Variants in PRR33 observed in about 807,000 individuals in gnomAD.
PRR33 encodes the protein proline rich 33.
PRR33 carries 1 observed loss-of-function variant against 0.5 expected under a neutral mutation model. That is an observed-to-expected ratio of 2.18 (90% CI 0.77 to 10.34). The LOEUF (loss-of-function observed/expected upper bound fraction) is 10.34. Among genes scored for constraint, PRR33 ranks in the 30% most tolerant of loss-of-function variants. PRR33 has a pLI of 0.13. For synonymous variants in PRR33, 226 were observed against 110.0 expected (o/e 2.06, Z -6.60); for missense variants, 552 against 251.8 (o/e 2.19, Z -8.07).
chr11:1,890,193 G>A (rs1311388576), exon 1 of PRR33: 4 of 716,890 alleles, frequency 5.6e-6, no homozygotes, highest in African/African-American at 1.7e-5. Context: ...GATGGAGAAC[G>A]TGGACTTCTG....
chr11:1,897,499 G>A, the PRR33 span, among the ~76,000 whole-genome samples: 1,157 of 152,278 alleles, frequency 7.6e-3, 16 homozygotes, highest in African/African-American at 0.026. This position sits in a 1 kb window ranked among gnomAD's most constrained non-coding sequence, Gnocchi z 4.0. Context: ...GTAAAGCTTC[G>A]GTTTGATGGT....
chr11:1,915,552 G>T, the PRR33 span, among the ~76,000 whole-genome samples: 1 of 117,236 alleles, frequency 8.5e-6, no homozygotes, highest in African/African-American at 3.4e-5. Context: ...TGTGTTGTGG[G>T]GGGTGATGTT....
the PRR33 span, among the ~76,000 whole-genome samples, chr11:1,913,394 C>T: frequency 6.6e-6 from 1 of 152,060 alleles, no homozygotes; most frequent in Non-Finnish European, 1.5e-5. Flanking sequence ...GATCCGCCCG[C>T]CTCAGCCTCC....
the PRR33 span, among the ~76,000 whole-genome samples, chr11:1,913,464 C>G: frequency 6.6e-6 from 1 of 152,154 alleles, no homozygotes; most frequent in African/African-American, 2.4e-5. Flanking sequence ...CTGATATAAG[C>G]ATCCAGGCCT....
At chr11:1,894,519 G>A (rs1002996849), upstream of PRR33, among the ~76,000 whole-genome samples, 1 of 152,184 alleles carries the variant, frequency 6.6e-6, no homozygotes, top group African/African-American at 2.4e-5. Flanking sequence ...TTACAGGCAT[G>A]AGCCCTGCAC....
At chr11:1,889,253 C>T in exon 1 of PRR33, 1 of 676,716 alleles carries the variant, frequency 1.5e-6, no homozygotes, top group South Asian at 1.6e-5. Flanking sequence ...CCTGCAGCTT[C>T]CGGGCGTTGA....
chr11:1,903,650 G>A, the PRR33 span, among the ~76,000 whole-genome samples: 4 of 152,134 alleles, frequency 2.6e-5, no homozygotes, highest in Admixed American at 2.6e-4. Flanking sequence ...CACCATTTCT[G>A]TAAACATCTG....
the PRR33 span, among the ~76,000 whole-genome samples, chr11:1,909,890 C>T: frequency 2.6e-5 from 4 of 152,188 alleles, no homozygotes; most frequent in African/African-American, 4.8e-5. Flanking sequence ...CTGGCAGGGA[C>T]GTTTCATCAT....
the PRR33 span, among the ~76,000 whole-genome samples, chr11:1,898,398 G>A: frequency 1.3e-5 from 2 of 152,088 alleles, no homozygotes; most frequent in Admixed American, 6.5e-5. Context: ...ATCATACCCA[G>A]CTTATTTTTA....
exon 1 of PRR33, chr11:1,890,427 C>A: frequency 1.4e-6 from 1 of 717,250 alleles, no homozygotes; most frequent in Non-Finnish European, 2.6e-6. Context: ...GAGGTGTGTG[C>A]CTCCCATCAT....
At chr11:1,912,510 C>T in the PRR33 span, among the ~76,000 whole-genome samples, 11 of 152,196 alleles carry the variant, frequency 7.2e-5, no homozygotes, top group South Asian at 4.1e-4. Context: ...TTCCTCTTTT[C>T]GTCGACATTG....
chr11:1,890,208 G>C, exon 1 of PRR33: 2 of 716,962 alleles, frequency 2.8e-6, no homozygotes, highest in African/African-American at 1.7e-5. Flanking sequence ...CTTCTGCAGG[G>C]GTGATGCCAC....
chr11:1,890,385 G>T, exon 1 of PRR33: 1 of 716,952 alleles, frequency 1.4e-6, no homozygotes, highest in Non-Finnish European at 2.6e-6. Context: ...ACTCACGGGG[G>T]ACAGGGAGGT....
At chr11:1,917,265 C>T in the PRR33 span, among the ~76,000 whole-genome samples, 1 of 152,174 alleles carries the variant, frequency 6.6e-6, no homozygotes, top group African/African-American at 2.4e-5. Context: ...CTCCACCACC[C>T]CCAACCATGC....
chr11:1,890,618 G>A (rs1343197840), exon 1 of PRR33: 4 of 689,760 alleles, frequency 5.8e-6, no homozygotes, highest in Non-Finnish European at 1.1e-5. Flanking sequence ...ACAGTGGTCA[G>A]GCCAGCCCTC....
rs574478318 is a variant in PRR33, at chr11:1,890,718, A to G, written c.-134T>C. 4.3e-5 allele frequency: 26 copies of G among 606,796 alleles called. No homozygotes were observed. In the East Asian group the frequency reaches 7.1e-4, roughly 17 times the overall value. The allele number at this position is 606,796 out of a possible 1,614,324, so 37.6% of individuals were successfully genotyped here. ...GGAGGCCTGAGTATTCTGCTTCCTG[A>G]GCACCCAGAACCTGCCAGGGACATG... On this transcript the variant is annotated 5_prime_UTR_variant, in exon 1 of 1. Transcript: ENST00000640310.
the PRR33 span, among the ~76,000 whole-genome samples, chr11:1,901,444 A>G: frequency 6.6e-6 from 1 of 152,256 alleles, no homozygotes; most frequent in Non-Finnish European, 1.5e-5. Context: ...AGAGAGACAT[A>G]TAGTCATAAC....
At chr11:1,897,951 C>A in the PRR33 span, among the ~76,000 whole-genome samples, 2 of 152,152 alleles carry the variant, frequency 1.3e-5, no homozygotes, top group Non-Finnish European at 2.9e-5. This position sits in a 1 kb window ranked among gnomAD's most constrained non-coding sequence, Gnocchi z 4.0. Context: ...TGAAGCAAAC[C>A]AACGAAAATC....
the PRR33 span, among the ~76,000 whole-genome samples, chr11:1,915,372 C>T: frequency 1.4e-4 from 21 of 145,276 alleles, no homozygotes; most frequent in African/African-American, 5.1e-4. Context: ...GGGTCACACA[C>T]GTGGGATGAT....
Sources: allele counts gnomAD v4.1 joint callset (sites outside exome capture counted in the v4.1 genomes callset), GRCh38; gene constraint gnomAD v4.1.1; non-coding constraint Gnocchi (gnomAD v3.1); transcripts MANE v1.5; gene names NCBI Gene and HGNC (gene_info 2026-07-23, HGNC 2026-07-21).